The following PLA2G4C variants were observed in gnomAD, a reference collection of about 807,000 sequenced individuals.
PLA2G4C encodes the protein cytosolic phospholipase A2 gamma.
In PLA2G4C, 64 loss-of-function variants were observed where a neutral mutation model predicts 73.8. That is an observed-to-expected ratio of 0.87 (90% CI 0.71 to 1.07). The LOEUF is 1.07. PLA2G4C is among the 50% of genes least tolerant of loss of function. The pLI is 0.00. For synonymous variants in PLA2G4C, 254 were observed against 252.1 expected (o/e 1.01, Z -0.07); for missense variants, 622 against 665.4 (o/e 0.93, Z 0.72).
chr19:48,099,640 C>G lies in PLA2G4C; in HGVS notation c.447+31G>C, dbSNP rs568153415. 2.6e-6 allele frequency: 4 copies of G among 1,567,142 alleles called. No individual in the cohort carries two copies. The South Asian group carries it at 3.4e-5, about 13-fold the overall frequency. On this transcript the variant is annotated intron_variant, in intron 5 of 16. Transcript: ENST00000599921. ...CCCTGAGACCCCTTGCTCCTACCCC[C>G]ACCCCAGGTCCCCAGCTGGGAATGA...
chr19:48,108,581 C>T (rs2032342052), intron 1 of PLA2G4C, among the ~76,000 whole-genome samples: 4 of 152,196 alleles, frequency 2.6e-5, no homozygotes, highest in Middle Eastern at 3.2e-3. Flanking sequence ...CTTCAACCCA[C>T]GACTGTTCTT....
intron 1 of PLA2G4C, among the ~76,000 whole-genome samples, chr19:48,110,024 C>A (rs535079822): frequency 6.7e-6 from 1 of 150,028 alleles, no homozygotes; most frequent in African/African-American, 2.4e-5. Flanking sequence ...ACACCTTGAT[C>A]TTGGACTTCT....
chr19:48,052,473 C>A (rs1026065773), intron 16 of PLA2G4C, among the ~76,000 whole-genome samples: 1 of 152,006 alleles, frequency 6.6e-6, no homozygotes, highest in African/African-American at 2.4e-5. Context: ...GTGCTTGCTC[C>A]CCCTTCACCT....
rs1340148092 is a variant in PLA2G4C at position 48,097,251 on chromosome 19, C to CTTCTTTTT, written c.568+887_568+888insAAAAAGAA. On this transcript the variant is annotated intron_variant, in intron 6 of 16. Transcript: ENST00000599921. Reference sequence around the variant, plus strand: ...AGTTTTCTTTACTTTTTTCTTTTTTCTTTTTTTTTTTTTTTTTTTGAGACG... The same window carrying CTTCTTTTT: ...AGTTTTCTTTACTTTTTTCTTTTTTCTTCTTTTTTTTTTTTTTTTTTTTTTTTGAGACG... 206 of 86,554 alleles carry CTTCTTTTT rather than the reference C, an allele frequency of 2.4e-3. 9 individuals carry two copies. The highest frequency in any genetic ancestry group is 9.7e-3 in the African/African-American group (201 of 20,626). 5.4% of individuals were successfully genotyped at this position (86,554 alleles called of 1,614,324 possible).
chr19:48,064,046 T>C (rs1245019050), intron 13 of PLA2G4C: 1 of 152,178 alleles, frequency 6.6e-6, no homozygotes, highest in Non-Finnish European at 1.5e-5. Flanking sequence ...CTCCTCCTTT[T>C]GTTATATATA....
chr19:48,102,346 C>T (rs531810346), intron 4 of PLA2G4C, among the ~76,000 whole-genome samples: 82 of 151,806 alleles, frequency 5.4e-4, no homozygotes, highest in African/African-American at 1.9e-3. Context: ...CAAAAATTAG[C>T]TGGGCATGGT....
At chr19:48,085,977 G>A (rs1018313808) in intron 9 of PLA2G4C, among the ~76,000 whole-genome samples, 2 of 152,178 alleles carry the variant, frequency 1.3e-5, no homozygotes, top group Non-Finnish European at 2.9e-5. Context: ...TCCTCACAGG[G>A]CACCCTGCAG....
rs748108231 is a variant in PLA2G4C, at chr19:48,048,394, G to A, written c.1581-6C>T. ...TATCCTTCGGGTAGTAGAGCCTGGG[G>A]AGAAAGGAAAGTTAGAAGTTACCAC... On this transcript the variant is annotated splice_polypyrimidine_tract_variant and splice_region_variant and intron_variant, in intron 16 of 16. Coordinates refer to ENST00000599921, the MANE Select transcript of PLA2G4C (RefSeq NM_003706.3). 1.1e-5 allele frequency: 18 copies of A among 1,583,166 alleles called. No homozygotes were observed. In the Admixed American group the frequency reaches 3.5e-4, roughly 31 times the overall value.
rs1967880451 is a variant in PLA2G4C, at chr19:48,055,012, T to A, written c.1295A>T (p.Lys432Met). 1 of 1,612,908 alleles carries A rather than the reference T, an allele frequency of 6.2e-7. No homozygotes were observed. Among genetic ancestry groups the A allele is most frequent in the African/African-American group, 1.3e-5 (1 of 74,724 alleles). The stretch of plus-strand genomic sequence containing the variant: ...CTCTTCTACTTGGGGAAAGGGGATC[T>A]TGTGGCGGCGGCAGTAGTCAGTGGT... ...RATTDYCRRH[K>M]IPFPQVEEAE... The change falls in exon 15 of 17, where the codon AAG becomes ATG. Residue 432 changes from lysine to methionine, a missense_variant. By Grantham distance (95) the Lys-to-Met change is moderately conservative. Transcript: ENST00000599921.
intron 8 of PLA2G4C, chr19:48,090,063 T>A (rs558717544): frequency 3.4e-5 from 12 of 357,814 alleles, no homozygotes; most frequent in Non-Finnish European, 5.6e-5. Context: ...TATTCATAAC[T>A]ACTGTTATTA....
intron 10 of PLA2G4C, among the ~76,000 whole-genome samples, chr19:48,084,493 G>C (rs2030855417): frequency 6.6e-6 from 1 of 152,192 alleles, no homozygotes; most frequent in African/African-American, 2.4e-5. Context: ...AGAGGAGAGA[G>C]CTGGAGAGCC....
chr19:48,053,048 T>C lies in PLA2G4C; in HGVS notation c.1529A>G (p.Asn510Ser). The change falls in exon 16 of 17, where the codon AAT becomes AGT. Residue 510 changes from asparagine (N) to serine (S), a missense_variant. Coordinates refer to ENST00000599921, the MANE Select transcript of PLA2G4C (RefSeq NM_003706.3). ...VVLLLALAKK[N>S]VRENKKKILR... ...GATCTTCTTCTTGTTTTCCCTGACATTCTTCTTGGCTAATGCCAAGAGTAG... is the reference window on the plus strand; with the variant it reads ...GATCTTCTTCTTGTTTTCCCTGACACTCTTCTTGGCTAATGCCAAGAGTAG... The C allele has an allele frequency of 6.2e-7, 1 of 1,613,602 alleles. No homozygotes were observed. Among genetic ancestry groups the C allele is most frequent in the Non-Finnish European group, 8.5e-7 (1 of 1,179,572 alleles).
chr19:48,067,453 C>A (rs755555926), intron 13 of PLA2G4C, among the ~76,000 whole-genome samples: 11 of 152,162 alleles, frequency 7.2e-5, no homozygotes, highest in Admixed American at 2.0e-4. Flanking sequence ...CAGGCATGAG[C>A]CACTGCGCCC....
At chr19:48,073,489 C>A (rs1159159477) in intron 12 of PLA2G4C, among the ~76,000 whole-genome samples, 1 of 151,900 alleles carries the variant, frequency 6.6e-6, no homozygotes, top group East Asian at 1.9e-4. Flanking sequence ...CCCCTACCCC[C>A]AGCCTGCTAG....
Position 48,090,670 on chromosome 19 carries a change from G to A in PLA2G4C, c.710-253C>T, listed in dbSNP as rs139252472. The A allele has an allele frequency of 2.0e-3, 982 of 480,458 alleles. 7 individuals carry two copies. The highest frequency in any genetic ancestry group is 0.018 in the African/African-American group (896 of 51,062). 29.8% of individuals were successfully genotyped at this position (480,458 alleles called of 1,614,324 possible). ...GAACCTTCTATGGGTGGAGCCAGCC[G>A]GGCACTGTAGACTGGCTACCCCAAG... On this transcript the variant is annotated intron_variant, in intron 7 of 16. Coordinates refer to ENST00000599921, the MANE Select transcript of PLA2G4C (RefSeq NM_003706.3).
chr19:48,086,804 G>C (rs576411504), intron 9 of PLA2G4C, among the ~76,000 whole-genome samples: 6 of 152,278 alleles, frequency 3.9e-5, no homozygotes, highest in African/African-American at 1.4e-4. Flanking sequence ...TGGCTAACCA[G>C]GAGGTCCTGA....
intron 14 of PLA2G4C, among the ~76,000 whole-genome samples, chr19:48,060,418 G>A (rs1004021806): frequency 7.9e-5 from 12 of 152,214 alleles, no homozygotes; most frequent in Admixed American, 3.3e-4. Flanking sequence ...CTCTGAAGTC[G>A]TCTTTGATTG....
chr19:48,062,046 C>A lies in PLA2G4C; in HGVS notation c.1209G>T (p.Glu403Asp). The change falls in exon 14 of 17, where the codon GAG becomes GAT. Residue 403 changes from glutamate to aspartate, a missense_variant. Glu to Asp is a conservative substitution (Grantham distance 45). Transcript: ENST00000599921. ...AGTCGAAGGAGAGGATGAGGTGAAC[C>A]TCCCGCGTCGGGGGCAGCACGAGTG... The part of the protein sequence containing the change: ...PFPLVLPPTR[E>D]VHLILSFDFS... The A allele has an allele frequency of 1.2e-6, 2 of 1,613,940 alleles. No homozygotes were observed. Among genetic ancestry groups the A allele is most frequent in the Non-Finnish European group, 1.7e-6 (2 of 1,179,954 alleles).
intron 11 of PLA2G4C, among the ~76,000 whole-genome samples, chr19:48,076,774 GA>G (rs897528333): frequency 4.6e-5 from 7 of 151,456 alleles, no homozygotes; most frequent in African/African-American, 1.5e-4. Flanking sequence ...AAAAGGAAAG[GA>G]AAAAAAAGAC....
Sources: gnomAD v4.1 joint callset for allele counts (sites outside exome capture counted in the v4.1 genomes callset) on GRCh38, gnomAD v4.1.1 for gene constraint, MANE v1.5 for transcripts, NCBI Gene and HGNC (gene_info 2026-07-23, HGNC 2026-07-21) for gene names.